Variants in STBD1 observed in about 807,000 individuals in gnomAD.
The protein encoded by STBD1 is starch binding domain 1.
In STBD1, 13 loss-of-function variants were observed where a neutral mutation model predicts 10.5. That is an observed-to-expected ratio of 1.24 (90% CI 0.81 to 1.97). STBD1 has a LOEUF of 1.97. Ranked by LOEUF, STBD1 falls within the 30% of genes most tolerant of loss-of-function variation. The probability of loss-of-function intolerance (pLI) is 0.00; values close to 1 mark genes in which losing one functional copy is unlikely to be tolerated. For missense variants in STBD1, 427 were observed against 435.6 expected (o/e 0.98, Z 0.17); for synonymous variants, 146 against 160.2 (o/e 0.91, Z 0.67).
Position 76,309,871 on chromosome 4 carries a change from T to A in STBD1, c.948T>A (p.Asp316Glu). The A allele has an allele frequency of 1.9e-6, 3 of 1,614,240 alleles. No individual in the cohort carries two copies. Among genetic ancestry groups the A allele is most frequent in the Non-Finnish European group, 2.5e-6 (3 of 1,180,048 alleles). Residue 316 changes from aspartate to glutamate, a missense_variant, in exon 2 of 2, where the codon GAT becomes GAA. By Grantham distance (45) the Asp-to-Glu change is conservative. Coordinates refer to ENST00000237642, the MANE Select transcript of STBD1 (RefSeq NM_003943.5). ...FWSHSIFLPA[D>E]TVVEWKFVLV... The stretch of plus-strand genomic sequence containing the variant: ...CTCATTCCATTTTCCTGCCTGCAGA[T>A]ACAGTGGTGGAGTGGAAGTTTGTGT...
At chr4:76,308,293 G>C (rs1345011037) in intron 1 of STBD1, among the ~76,000 whole-genome samples, 1 of 150,116 alleles carries the variant, frequency 6.7e-6, no homozygotes. Context: ...AAAAAAAAGG[G>C]ATAAAATGAA....
chr4:76,308,822 G>A (rs535450067), intron 1 of STBD1, among the ~76,000 whole-genome samples: 1 of 152,264 alleles, frequency 6.6e-6, no homozygotes, highest in Non-Finnish European at 1.5e-5. Flanking sequence ...CTGCATGCCA[G>A]TATGGCCTGG....
At position 76,310,768 on chromosome 4, in the gene STBD1, G is replaced by C. The variant is rs144849069; in HGVS notation, c.*768G>C. The C allele has an allele frequency of 4.8e-4, 74 of 152,964 alleles. 1 individual carries two copies. The highest frequency in any genetic ancestry group is 1.7e-3 in the African/African-American group (70 of 41,570). 9.5% of individuals were successfully genotyped at this position (152,964 alleles called of 1,614,324 possible). A position where few individuals can be genotyped will look rare whatever the true frequency, so the allele number is the denominator to read the frequency against. On this transcript the variant is annotated 3_prime_UTR_variant, in exon 2 of 2. Transcript: ENST00000237642. ...GCCCATAAGGAAAGGGAAAGTGAGTGGGGTTGGGCATAGGCTGAGTGAGGT... is the reference window on the plus strand; with the variant it reads ...GCCCATAAGGAAAGGGAAAGTGAGTCGGGTTGGGCATAGGCTGAGTGAGGT...
rs116711386 is a variant in STBD1 at position 76,309,559 on chromosome 4, G to C, written c.636G>C (p.Trp212Cys). Residue 212 changes from tryptophan to cysteine, a missense_variant, in exon 2 of 2, where the codon TGG (tryptophan) becomes TGC (cysteine). By Grantham distance (215) the Trp-to-Cys change is radical (BLOSUM62 -2). Transcript: ENST00000237642. ...AAATGGTGCCTAGGCACTCATCTTG[G>C]GGGGATGTTGGTGTGGGTGGCAGTC... ...EWEMVPRHSS[W>C]GDVGVGGSLK... is the part of the protein sequence containing the mutation. 23 of 1,614,104 alleles carry C rather than the reference G, an allele frequency of 1.4e-5. No individual in the cohort carries two copies. Among genetic ancestry groups the C allele is most frequent in the Non-Finnish European group, 1.8e-5 (21 of 1,180,052 alleles).
intron 1 of STBD1, 96 bp from the exon 2 acceptor site, chr4:76,309,048 T>C: frequency 6.7e-7 from 1 of 1,485,876 alleles, no homozygotes; most frequent in Non-Finnish European, 9.0e-7. Context: ...GATTGATTAG[T>C]AGTAAAGCTT....
In STBD1 at chr4:76,309,829, C is replaced by T; in HGVS notation, c.906C>T (p.Asn302=). The stretch of plus-strand genomic sequence containing the variant: ...ACACTTACATCCCACTCCACTATAA[C>T]AAGGATGGGTTCTGGTCTCATTCCA... ...RWNTYIPLHY[N]KDGFWSHSIF... Residue 302 remains asparagine (N), a synonymous_variant, in exon 2 of 2, where the codon AAC becomes AAT. Transcript: ENST00000237642. 7 of 1,613,978 alleles carry T rather than the reference C, an allele frequency of 4.3e-6. No homozygotes were observed. Among genetic ancestry groups the T allele is most frequent in the Non-Finnish European group, 5.9e-6 (7 of 1,179,838 alleles).
intron 1 of STBD1, among the ~76,000 whole-genome samples, chr4:76,308,802 C>T (rs1718855423): frequency 6.6e-6 from 1 of 152,246 alleles, no homozygotes; most frequent in South Asian, 2.1e-4. Context: ...AGCCAAGCAA[C>T]TTAACTTGGC....
intron 1 of STBD1, among the ~76,000 whole-genome samples, chr4:76,307,659 C>A (rs1718816893): frequency 7.3e-6 from 1 of 136,464 alleles, no homozygotes; most frequent in South Asian, 2.1e-4. Flanking sequence ...TAGGAAGGGA[C>A]TACTTAAATA....
chr4:76,307,716 C>T (rs1000859234), intron 1 of STBD1, among the ~76,000 whole-genome samples: 18 of 152,180 alleles, frequency 1.2e-4, no homozygotes, highest in African/African-American at 4.3e-4. Flanking sequence ...GTTTAAATTT[C>T]TGTATTTTAG....
chr4:76,307,893 C>T (rs1191512209), intron 1 of STBD1, among the ~76,000 whole-genome samples: 1 of 152,098 alleles, frequency 6.6e-6, no homozygotes, highest in Non-Finnish European at 1.5e-5. Context: ...GAAAATCTGC[C>T]CGTGTGCCTT....
intron 1 of STBD1, 126 bp from the exon 2 acceptor site, chr4:76,309,017 AG>A: frequency 7.6e-7 from 1 of 1,317,728 alleles, no homozygotes; most frequent in East Asian, 2.4e-5. Context: ...ATTTTAATAG[AG>A]GGGGACTTTG....
At position 76,306,859 on chromosome 4, in the gene STBD1, C is replaced by T. The variant is rs1718783494; in HGVS notation, c.90C>T (p.Thr30=). The T allele has an allele frequency of 6.2e-7, 1 of 1,611,094 alleles. No individual in the cohort carries two copies. Among genetic ancestry groups the T allele is most frequent in the Non-Finnish European group, 8.5e-7 (1 of 1,178,840 alleles). The change falls in exon 1 of 2, where the codon ACC becomes ACT. Residue 30 remains threonine, a synonymous_variant. Coordinates refer to ENST00000237642, the MANE Select transcript of STBD1 (RefSeq NM_003943.5). ...TGCTGCGGGGCGGCCCTGGCGACAC[C>T]GGGAAGGACGGGGATGCGGAGCAGG... The part of the protein sequence containing the change: ...VWLLRGGPGD[T]GKDGDAEQEK...
At position 76,310,736 on chromosome 4, in the gene STBD1, G is replaced by C. The variant is rs541650284; in HGVS notation, c.*736G>C. 1.3e-5 allele frequency: 2 copies of C among 152,962 alleles called. No individual in the cohort carries two copies. Among genetic ancestry groups the C allele is most frequent in the South Asian group, 2.1e-4 (1 of 4,824 alleles). 9.5% of individuals were successfully genotyped at this position (152,962 alleles called of 1,614,324 possible). On this transcript the variant is annotated 3_prime_UTR_variant, in exon 2 of 2. Transcript: ENST00000237642. The stretch of plus-strand genomic sequence containing the variant: ...ACCAATCATCATGGAAGTCAGTTGC[G>C]GGGGCAGCCCATAAGGAAAGGGAAA...
rs201630214 is a variant in STBD1, at chr4:76,309,461, A to C, written c.538A>C (p.Lys180Gln). ...AEKLPSSNLL[K>Q]NRAKEEMSLS... The stretch of plus-strand genomic sequence containing the variant: ...GAAGTTGCCTTCTAGCAACCTGCTC[A>C]AGAACAGAGCTAAAGAAGAAATGAG... Residue 180 changes from lysine to glutamine, a missense_variant, in exon 2 of 2, where the codon AAG (lysine) becomes CAG (glutamine). By Grantham distance (53) the Lys-to-Gln change is moderately conservative. Transcript: ENST00000237642. 125 of 1,614,258 alleles carry C rather than the reference A, an allele frequency of 7.7e-5. 1 individual carries two copies. In the South Asian group the frequency reaches 1.3e-3, roughly 17 times the overall value.
chr4:76,309,026 T>G, intron 1 of STBD1, 118 bp from the exon 2 acceptor site: 2 of 1,387,966 alleles, frequency 1.4e-6, no homozygotes, highest in Non-Finnish European at 1.9e-6. Flanking sequence ...GAGGGGGACT[T>G]TGTGAATTGC....
chr4:76,308,067 G>A (rs968279898), intron 1 of STBD1, among the ~76,000 whole-genome samples: 3 of 152,002 alleles, frequency 2.0e-5, no homozygotes, highest in Non-Finnish European at 4.4e-5. Flanking sequence ...TCAGGAGTTC[G>A]AGACCAGCCT....
intron 1 of STBD1, among the ~76,000 whole-genome samples, chr4:76,308,144 C>CGGTA (rs1246302572): frequency 6.6e-6 from 1 of 151,984 alleles, no homozygotes; most frequent in Non-Finnish European, 1.5e-5. Flanking sequence ...TAGTAGGCGC[C>CGGTA]GGTAGTCCCA....
rs928847573 is a variant in STBD1, at chr4:76,309,016, G to A, written c.221-128G>A. On this transcript the variant is annotated intron_variant, in intron 1 of 1. Coordinates refer to ENST00000237642, the MANE Select transcript of STBD1 (RefSeq NM_003943.5). The stretch of plus-strand genomic sequence containing the variant: ...AATTAAGTAGTACTTGATTTTAATA[G>A]AGGGGGACTTTGTGAATTGCAGATT... The A allele has an allele frequency of 6.1e-6, 8 of 1,314,026 alleles. No individual in the cohort carries two copies. The East Asian group carries it at 1.7e-4, about 28-fold the overall frequency. 81.4% of individuals were successfully genotyped at this position (1,314,026 alleles called of 1,614,324 possible).
At chr4:76,309,067 TA>T (rs1718863791) in intron 1 of STBD1, 76 bp from the exon 2 acceptor site, 1 of 1,510,940 alleles carries the variant, frequency 6.6e-7, no homozygotes, top group East Asian at 2.3e-5. Context: ...TTTCAGTAAC[TA>T]AATCTATTTT....
Sources: gnomAD v4.1 joint callset for allele counts (sites outside exome capture counted in the v4.1 genomes callset) on GRCh38, gnomAD v4.1.1 for gene constraint, MANE v1.5 for transcripts, NCBI Gene and HGNC (gene_info 2026-07-23, HGNC 2026-07-21) for gene names.